The following ANKRD11 variants were observed in gnomAD, a reference collection of about 807,000 sequenced individuals.
The protein encoded by ANKRD11 is ankyrin repeat domain-containing protein 11.
In ANKRD11, 17 loss-of-function variants were observed where a neutral mutation model predicts 195.7. That is an observed-to-expected ratio of 0.09 (90% CI 0.06 to 0.13). The LOEUF (loss-of-function observed/expected upper bound fraction) is 0.13, where lower values mean the gene tolerates loss of function less well. Ranked by LOEUF, ANKRD11 falls within the 10% of genes least tolerant of loss-of-function variation. The probability of loss-of-function intolerance (pLI) is 1.00; values close to 1 mark genes in which losing one functional copy is unlikely to be tolerated. For synonymous variants in ANKRD11, 1,953 were observed against 1,528.1 expected, an observed-to-expected ratio of 1.28 and a Z score of -6.49; for missense variants, 3,735 against 3,566.1, an observed-to-expected ratio of 1.05 and a Z score of -1.21.
intron 1 of ANKRD11, among the ~76,000 whole-genome samples, chr16:89,480,355 T>A (rs1394770730): frequency 6.6e-6 from 1 of 151,098 alleles, no homozygotes. Flanking sequence ...TGGGTGCCTG[T>A]AGTCCCAGCT....
chr16:89,437,289 T>G (rs1009564096), intron 1 of ANKRD11, among the ~76,000 whole-genome samples: 2 of 152,208 alleles, frequency 1.3e-5, no homozygotes, highest in Non-Finnish European at 2.9e-5. Context: ...ACAGAGAATT[T>G]TTTAAAAAGC....
intron 2 of ANKRD11, among the ~76,000 whole-genome samples, chr16:89,382,578 C>G (rs114006556): frequency 0.013 from 2,017 of 152,156 alleles, 40 homozygotes; most frequent in African/African-American, 0.046. Flanking sequence ...CCACCTTGAT[C>G]CATCCACTTC....
chr16:89,443,024 GCT>G (rs1567813039), intron 1 of ANKRD11, among the ~76,000 whole-genome samples: 1 of 152,008 alleles, frequency 6.6e-6, no homozygotes, highest in Non-Finnish European at 1.5e-5. Context: ...ACAGAATCTC[GCT>G]CTGTCATCCA....
At chr16:89,445,123 C>T (rs1047108429) in intron 1 of ANKRD11, among the ~76,000 whole-genome samples, 4 of 152,238 alleles carry the variant, frequency 2.6e-5, no homozygotes, top group Non-Finnish European at 5.9e-5. Context: ...CATCTCTCCA[C>T]GGCAGGCCCA....
intron 1 of ANKRD11, among the ~76,000 whole-genome samples, chr16:89,463,037 C>G (rs868801462): frequency 5.5e-4 from 77 of 139,880 alleles, no homozygotes; most frequent in African/African-American, 2.0e-3. Flanking sequence ...CCGCCCCATC[C>G]GGGAGGGAGG....
chr16:89,460,534 T>C (rs969468423), intron 1 of ANKRD11, among the ~76,000 whole-genome samples: 6 of 152,066 alleles, frequency 3.9e-5, no homozygotes, highest in African/African-American at 1.4e-4. Flanking sequence ...ACTCCAGCCT[T>C]GGTGACAGAG....
chr16:89,355,225 G>A (rs748452837), intron 2 of ANKRD11, among the ~76,000 whole-genome samples: 6 of 151,552 alleles, frequency 4.0e-5, no homozygotes, highest in Non-Finnish European at 5.9e-5. Flanking sequence ...GAGGGCTCAC[G>A]GAGGGAGGGC....
intron 2 of ANKRD11, among the ~76,000 whole-genome samples, chr16:89,399,815 TTA>T (rs1198860773): frequency 6.6e-6 from 1 of 152,168 alleles, no homozygotes; most frequent in Non-Finnish European, 1.5e-5. Context: ...TCTACTTTTT[TTA>T]AAGTGACCAT....
chr16:89,368,395 T>G (rs1459918566), intron 2 of ANKRD11, among the ~76,000 whole-genome samples: 3 of 138,838 alleles, frequency 2.2e-5, no homozygotes, highest in South Asian at 2.4e-4. Flanking sequence ...TTTTTTTTTT[T>G]TTTTTTTAGT....
rs2040389452 is a variant in ANKRD11 at position 89,375,597 on chromosome 16, G to A, written c.-60+42687C>T. 3.3e-5 allele frequency among the ~76,000 whole-genome samples: 5 copies of A among 151,852 alleles called. No individual in the cohort carries two copies. The South Asian group carries it at 1.0e-3, about 32-fold the overall frequency. On this transcript the variant is annotated intron_variant, in intron 2 of 12. Coordinates refer to ENST00000301030, the MANE Select transcript of ANKRD11 (RefSeq NM_013275.6). ...GTCTCAGCCTCCCGAGTGATTACAG[G>A]CGCCCGCCACCACGCCCAGTTAATT... is the stretch of plus-strand genomic sequence containing the variant.
intron 2 of ANKRD11, among the ~76,000 whole-genome samples, chr16:89,340,482 C>T (rs1020256683): frequency 1.3e-5 from 2 of 152,140 alleles, no homozygotes; most frequent in African/African-American, 4.8e-5. Context: ...ACAATGTTGT[C>T]CAGGCTGATC....
chr16:89,449,720 G>A (rs953362054), intron 1 of ANKRD11, among the ~76,000 whole-genome samples: 3 of 152,164 alleles, frequency 2.0e-5, no homozygotes, highest in African/African-American at 7.2e-5. Context: ...TTGAACCTGG[G>A]AGGTGGAGGT....
At chr16:89,411,337 C>G (rs1313134240) in intron 2 of ANKRD11, among the ~76,000 whole-genome samples, 1 of 152,246 alleles carries the variant, frequency 6.6e-6, no homozygotes, top group East Asian at 1.9e-4. Flanking sequence ...CGGTGGGAAA[C>G]CTTGACTGCA....
chr16:89,318,961 C>T (rs534059573), intron 2 of ANKRD11, among the ~76,000 whole-genome samples: 39 of 152,322 alleles, frequency 2.6e-4, no homozygotes, highest in Admixed American at 1.5e-3. Context: ...ACCACAAAAC[C>T]GGAATGTCTC....
At chr16:89,341,180 G>A (rs965073017) in intron 2 of ANKRD11, among the ~76,000 whole-genome samples, 4 of 152,182 alleles carry the variant, frequency 2.6e-5, no homozygotes, top group African/African-American at 9.7e-5. Flanking sequence ...CTGTTTCTAA[G>A]GTGAATGAGA....
chr16:89,284,728 G>C lies in ANKRD11; in HGVS notation c.1814C>G (p.Ser605Trp). ...RQEHRKRASL[S>W]EKKSPFLSSA... ...GGACAGGAAGGGGCTCTTCTTCTCC[G>C]ACAGGGAGGCTCGCTTCCTGTGCTC... Residue 605 changes from serine to tryptophan, a missense_variant, in exon 9 of 13, where the codon TCG (serine) becomes TGG (tryptophan). By Grantham distance (177) the Ser-to-Trp change is radical. Transcript: ENST00000301030. The C allele has an allele frequency of 1.9e-6, 3 of 1,613,698 alleles. No homozygotes were observed. Among genetic ancestry groups the C allele is most frequent in the Non-Finnish European group, 2.5e-6 (3 of 1,179,958 alleles).
chr16:89,338,681 C>G (rs1026510467), intron 2 of ANKRD11, among the ~76,000 whole-genome samples: 1 of 145,902 alleles, frequency 6.9e-6, no homozygotes. Flanking sequence ...GCCAAGATCA[C>G]GCCACTGCCC....
intron 2 of ANKRD11, among the ~76,000 whole-genome samples, chr16:89,409,780 G>C (rs1305969219): frequency 6.6e-6 from 1 of 152,098 alleles, no homozygotes; most frequent in Non-Finnish European, 1.5e-5. Context: ...AACAAAATCT[G>C]ATCACATCTA....
intron 2 of ANKRD11, chr16:89,343,592 T>C (rs1439835114): frequency 6.6e-6 from 1 of 152,184 alleles, no homozygotes; most frequent in African/African-American, 2.4e-5. Context: ...GTTGCCAGAA[T>C]TCACCTCGTT....
Sources: allele counts gnomAD v4.1 joint callset (sites outside exome capture counted in the v4.1 genomes callset), GRCh38; gene constraint gnomAD v4.1.1; transcripts MANE v1.5; gene names NCBI Gene and HGNC (gene_info 2026-07-23, HGNC 2026-07-21).